KIAA0232: variants seen among roughly 807,000 people sequenced by gnomAD.
The protein encoded by KIAA0232 is KIAA0232.
A neutral mutation model predicts 122.0 loss-of-function variants in KIAA0232; 27 were observed. The observed-to-expected ratio is 0.22, with a 90% CI of 0.16 to 0.31. The LOEUF (loss-of-function observed/expected upper bound fraction) is 0.31. Among genes scored for constraint, KIAA0232 ranks in the 10% least tolerant of loss-of-function variants. The pLI is 1.00. For synonymous variants in KIAA0232, 613 were observed against 587.6 expected (o/e 1.04, Z -0.63); for missense variants, 1,551 against 1,634.2 (o/e 0.95, Z 0.88).
rs748032857 is a variant in KIAA0232, at chr4:6,857,243, G to A, written c.436+13G>A. On this transcript the variant is annotated intron_variant, in intron 5 of 9. Coordinates refer to ENST00000307659, the MANE Select transcript of KIAA0232 (RefSeq NM_014743.3). ...CAGAGTAAGCAAGGTGAGGTCAAAA[G>A]CACTGTGCGCACACATGCCAGGATT... The A allele has an allele frequency of 2.5e-6, 4 of 1,607,218 alleles. No individual in the cohort carries two copies. In the Admixed American group the frequency reaches 6.7e-5, roughly 27 times the overall value.
chr4:6,816,188 A>G (rs557287821), intron 2 of KIAA0232, among the ~76,000 whole-genome samples: 201 of 152,054 alleles, frequency 1.3e-3, no homozygotes, highest in Non-Finnish European at 2.4e-3. Flanking sequence ...TTTGATGTAT[A>G]TATTATTGGA....
At position 6,787,632 on chromosome 4, in the gene KIAA0232, T is replaced by C. The variant is rs142438180; in HGVS notation, c.-354+4791T>C. 6.3e-3 allele frequency among the ~76,000 whole-genome samples: 961 copies of C among 152,332 alleles called. 11 individuals are homozygous for C. The highest frequency in any genetic ancestry group is 0.021 in the African/African-American group (887 of 41,570). The stretch of plus-strand genomic sequence containing the variant: ...CCATGAGTCTTTTCCATCAGTCTTT[T>C]TCTTTACTCTTTCATGTTTCCTCTG... On this transcript the variant is annotated intron_variant, in intron 1 of 9. Transcript: ENST00000307659.
intron 5 of KIAA0232, 26 bp downstream of exon 5, chr4:6,857,256 A>G: frequency 1.3e-6 from 2 of 1,591,666 alleles, no homozygotes; most frequent in Non-Finnish European, 1.7e-6. Context: ...CTGTGCGCAC[A>G]CATGCCAGGA....
intron 8 of KIAA0232, among the ~76,000 whole-genome samples, chr4:6,875,691 G>A (rs904321410): frequency 6.6e-6 from 1 of 152,194 alleles, no homozygotes; most frequent in South Asian, 2.1e-4. Context: ...GGGATGGGGG[G>A]TGTGATCTGG....
At chr4:6,822,879 T>G (rs988702593) in intron 2 of KIAA0232, among the ~76,000 whole-genome samples, 5 of 149,456 alleles carry the variant, frequency 3.3e-5, no homozygotes, top group African/African-American at 1.2e-4. Flanking sequence ...CTGCACCCAC[T>G]AACTCGTCAT....
intron 2 of KIAA0232, among the ~76,000 whole-genome samples, chr4:6,814,964 C>T (rs1366895897): frequency 6.6e-6 from 1 of 151,560 alleles, no homozygotes; most frequent in African/African-American, 2.4e-5. Flanking sequence ...ATGATTTGGG[C>T]TAATTTTGCA....
intron 2 of KIAA0232, among the ~76,000 whole-genome samples, chr4:6,816,985 C>T (rs942040139): frequency 1.3e-5 from 2 of 152,084 alleles, no homozygotes; most frequent in Non-Finnish European, 2.9e-5. Flanking sequence ...TTCTCTCTTT[C>T]CTGATCAGTC....
intron 8 of KIAA0232, among the ~76,000 whole-genome samples, chr4:6,875,874 G>C (rs1206696412): frequency 6.6e-6 from 1 of 152,160 alleles, no homozygotes; most frequent in Non-Finnish European, 1.5e-5. Context: ...ATGAAGACCA[G>C]CAGTTCTCAG....
At chr4:6,825,407 A>G (rs1718625156) in intron 3 of KIAA0232, among the ~76,000 whole-genome samples, 1 of 152,070 alleles carries the variant, frequency 6.6e-6, no homozygotes, top group Admixed American at 6.6e-5. Context: ...AAAATTAGCC[A>G]GGCATGGTAG....
chr4:6,821,399 A>G lies in KIAA0232; in HGVS notation c.-269-2786A>G, dbSNP rs112824359. Reference sequence around the variant, plus strand: ...CCCACCCTTTCCCCCTGAATTTCCAAAGTCCACTGGTATCATTCTTATGCC... The same window carrying G: ...CCCACCCTTTCCCCCTGAATTTCCAGAGTCCACTGGTATCATTCTTATGCC... On this transcript the variant is annotated intron_variant, in intron 2 of 9. Coordinates refer to ENST00000307659, the MANE Select transcript of KIAA0232 (RefSeq NM_014743.3). 3.9e-3 allele frequency among the ~76,000 whole-genome samples: 587 copies of G among 152,020 alleles called. 1 individual carries two copies. Among genetic ancestry groups the G allele is most frequent in the African/African-American group, 0.013 (546 of 41,462 alleles).
intron 1 of KIAA0232, among the ~76,000 whole-genome samples, chr4:6,791,994 T>C (rs1716914821): frequency 6.6e-6 from 1 of 152,202 alleles, no homozygotes; most frequent in Non-Finnish European, 1.5e-5. Context: ...TTTCCCTGCA[T>C]AATCTCTCCT....
chr4:6,832,602 G>T (rs549224146), intron 3 of KIAA0232, among the ~76,000 whole-genome samples: 25 of 152,196 alleles, frequency 1.6e-4, no homozygotes, highest in African/African-American at 6.0e-4. Flanking sequence ...GCCTGCCTTG[G>T]CCTCCCAAAG....
intron 2 of KIAA0232, among the ~76,000 whole-genome samples, chr4:6,812,300 G>C (rs1052293882): frequency 2.0e-5 from 3 of 152,118 alleles, no homozygotes; most frequent in African/African-American, 7.2e-5. Flanking sequence ...GGCTCCATGA[G>C]GCTGTTGAGC....
intron 6 of KIAA0232, among the ~76,000 whole-genome samples, chr4:6,859,566 G>C (rs530687962): frequency 1.6e-4 from 25 of 152,182 alleles, no homozygotes; most frequent in Non-Finnish European, 2.9e-4. Context: ...CAGGAGTTTA[G>C]TTAAATATAT....
In KIAA0232 at chr4:6,824,568, G is replaced by C; in HGVS notation, c.115G>C (p.Val39Leu). ...GTCTCTGCTTCATGCTTTGGGTCCA[G>C]TGCAGACCTGGCTGGGACAAGAGCT... The part of the protein sequence containing the change: ...EMSLLHALGP[V>L]QTWLGQELEK... The change falls in exon 3 of 10, where the codon GTG (valine) becomes CTG (leucine). Residue 39 changes from valine (V) to leucine (L), a missense_variant. Val to Leu is a conservative substitution (Grantham distance 32). Around this residue, in one of 5 missense-constraint regions of KIAA0232, gnomAD observed 26 missense variants for 52.2 expected, o/e 0.50. Transcript: ENST00000307659. 1 of 1,614,230 alleles carries C rather than the reference G, an allele frequency of 6.2e-7. No homozygotes were observed. The highest frequency in any genetic ancestry group is 8.5e-7 in the Non-Finnish European group (1 of 1,180,038).
At chr4:6,805,615 TA>T (rs1006688857) in intron 2 of KIAA0232, among the ~76,000 whole-genome samples, 2 of 152,186 alleles carry the variant, frequency 1.3e-5, no homozygotes, top group African/African-American at 4.8e-5. Context: ...TTGAGTTTAG[TA>T]ATTGAAAGCT....
At chr4:6,783,378 G>A (rs926987527) in intron 1 of KIAA0232, among the ~76,000 whole-genome samples, 1 of 152,218 alleles carries the variant, frequency 6.6e-6, no homozygotes, top group Non-Finnish European at 1.5e-5. Context: ...GCCTGGGGCA[G>A]GTGTCGCCGC....
chr4:6,859,076 C>T (rs559193686), intron 6 of KIAA0232, among the ~76,000 whole-genome samples: 28 of 133,154 alleles, frequency 2.1e-4, no homozygotes, highest in Admixed American at 6.9e-4. Flanking sequence ...CCAGCCTGGA[C>T]GACAGAGCGA....
Position 6,861,929 on chromosome 4 carries a change from A to G in KIAA0232, c.1547A>G (p.Gln516Arg). Residue 516 changes from glutamine (Q) to arginine (R), a missense_variant, in exon 7 of 10, where the codon CAA becomes CGA. By Grantham distance (43) the Gln-to-Arg change is conservative (BLOSUM62 1). Transcript: ENST00000307659. Reference protein sequence around the residue: ...LTHFYEVDIDQSMLDPGASET... With the variant: ...LTHFYEVDIDRSMLDPGASET... ...CACTTCTATGAAGTGGATATTGATCAATCCATGTTGGATCCTGGTGCCTCA... is the reference window on the plus strand; with the variant it reads ...CACTTCTATGAAGTGGATATTGATCGATCCATGTTGGATCCTGGTGCCTCA... 6.2e-7 allele frequency: 1 copy of G among 1,614,058 alleles called. No homozygotes were observed. The highest frequency in any genetic ancestry group is 1.1e-5 in the South Asian group (1 of 91,086).
Sources: gnomAD v4.1 joint callset for allele counts (sites outside exome capture counted in the v4.1 genomes callset) on GRCh38, gnomAD v4.1.1 for gene constraint, gnomAD v4.1.1 regional missense constraint, MANE v1.5 for transcripts, NCBI Gene and HGNC (gene_info 2026-07-23, HGNC 2026-07-21) for gene names.